Variants in GRAMD1B observed in about 807,000 individuals in gnomAD.
The protein encoded by GRAMD1B is protein Aster-B.
GRAMD1B carries 37 observed loss-of-function variants against 99.7 expected under a neutral mutation model. The ratio of observed to expected loss-of-function variants is 0.37; its 90% CI spans 0.29 to 0.49. GRAMD1B has a LOEUF of 0.49. Ranked by LOEUF, GRAMD1B falls within the 20% of genes least tolerant of loss-of-function variation. The pLI, the probability that GRAMD1B is intolerant of heterozygous loss-of-function variation, is 0.98. For synonymous variants in GRAMD1B, 427 were observed against 387.6 expected, an observed-to-expected ratio of 1.10 and a Z score of -1.19; for missense variants, 888 against 1,009.2, an observed-to-expected ratio of 0.88 and a Z score of 1.63.
chr11:123,594,562 T>A (rs1951040324), intron 5 of GRAMD1B, among the ~76,000 whole-genome samples, 173 bp from the exon 6 acceptor site: 1 of 152,192 alleles, frequency 6.6e-6, no homozygotes, highest in Admixed American at 6.6e-5. Context: ...ATGCTCCTCA[T>A]CATGAGATGG....
At chr11:123,589,779 CAT>C (rs1190219565) in intron 4 of GRAMD1B, among the ~76,000 whole-genome samples, 1 of 152,004 alleles carries the variant, frequency 6.6e-6, no homozygotes, top group Non-Finnish European at 1.5e-5. Context: ...TACGTTTTTA[CAT>C]GTGTTCACTG....
At chr11:123,515,752 A>G (rs947752569) in intron 2 of GRAMD1B, among the ~76,000 whole-genome samples, 2 of 151,854 alleles carry the variant, frequency 1.3e-5, no homozygotes, top group Non-Finnish European at 2.9e-5. Flanking sequence ...TTAAAAGGTC[A>G]TGCTGTCAAT....
In GRAMD1B at chr11:123,460,441, T is replaced by G. The variant is rs117450123; in HGVS notation, c.375-20375T>G. On this transcript the variant is annotated intron_variant, in intron 1 of 19. Transcript: ENST00000635736. ...CGGGACTGAACTTGAAGAGGGTTAA[T>G]TGGATATAGGCCAGGAGCGTGATTG... 5 of 152,316 alleles carry G rather than the reference T, an allele frequency of 3.3e-5. No individual in the cohort carries two copies. The East Asian group carries it at 9.6e-4, about 29-fold the overall frequency. The allele number at this position is 152,316 out of a possible 1,614,324, so 9.4% of individuals were successfully genotyped here.
chr11:123,615,353 A>G (rs1228556157), intron 17 of GRAMD1B, among the ~76,000 whole-genome samples: 1 of 152,242 alleles, frequency 6.6e-6, no homozygotes, highest in African/African-American at 2.4e-5. Context: ...AATAATTGCT[A>G]TGACATTATA....
chr11:123,589,416 G>A (rs1171737398), intron 4 of GRAMD1B, among the ~76,000 whole-genome samples: 1 of 151,638 alleles, frequency 6.6e-6, no homozygotes, highest in African/African-American at 2.4e-5. Flanking sequence ...CTGTTTACCT[G>A]GGAGAATCCA....
Position 123,443,147 on chromosome 11 carries a change from C to T in GRAMD1B, c.374+11981C>T, listed in dbSNP as rs185054963. 7.5e-3 allele frequency among the ~76,000 whole-genome samples: 1,135 copies of T among 152,248 alleles called. 3 individuals carry two copies. The highest frequency in any genetic ancestry group is 0.013 in the Non-Finnish European group (893 of 68,026). ...GGGTCTTAGCCTTATTTTACCAAGG[C>T]GCTATTCAAGATGGAGTTGCTCTGA... On this transcript the variant is annotated intron_variant, in intron 1 of 19. Coordinates refer to ENST00000635736, the MANE Select transcript of GRAMD1B (RefSeq NM_001387025.1).
At chr11:123,411,882 C>T (rs113239990) in intron 1 of GRAMD1B, among the ~76,000 whole-genome samples, 3 of 152,202 alleles carry the variant, frequency 2.0e-5, no homozygotes, top group African/African-American at 4.8e-5. Context: ...CTCCTGGGCT[C>T]AAGCAATCCG....
chr11:123,623,227 T>C lies in GRAMD1B; in HGVS notation c.*632T>C, dbSNP rs1955313754. On this transcript the variant is annotated 3_prime_UTR_variant, in exon 20 of 20. Coordinates refer to ENST00000635736, the MANE Select transcript of GRAMD1B (RefSeq NM_001387025.1). Reference sequence around the variant, plus strand: ...TGTGGTGGCAGGCTCCCGAGACTCGTGTTCTGAAGGATACTCTCCTCCATC... The same window carrying C: ...TGTGGTGGCAGGCTCCCGAGACTCGCGTTCTGAAGGATACTCTCCTCCATC... 6.6e-6 allele frequency: 1 copy of C among 152,112 alleles called. No homozygotes were observed. The highest frequency in any genetic ancestry group is 1.5e-5 in the Non-Finnish European group (1 of 68,040). 9.4% of individuals were successfully genotyped at this position (152,112 alleles called of 1,614,324 possible).
At chr11:123,473,939 C>G (rs1409039560) in intron 1 of GRAMD1B, among the ~76,000 whole-genome samples, 1 of 152,194 alleles carries the variant, frequency 6.6e-6, no homozygotes, top group East Asian at 1.9e-4. Flanking sequence ...TCTCTTCCCC[C>G]ATACACCTTT....
chr11:123,476,164 G>A (rs1014586012), intron 1 of GRAMD1B, among the ~76,000 whole-genome samples: 4 of 151,224 alleles, frequency 2.6e-5, no homozygotes, highest in Admixed American at 2.0e-4. Flanking sequence ...GCAGTGGCAC[G>A]ATCTTGGCTC....
intron 5 of GRAMD1B, 75 bp from the exon 6 acceptor site, chr11:123,594,660 G>A: frequency 1.3e-6 from 1 of 782,782 alleles, no homozygotes; most frequent in African/African-American, 1.7e-5. Flanking sequence ...TGGGAGGGAT[G>A]ACATGCCTAC....
chr11:123,382,908 T>C lies in GRAMD1B; in HGVS notation c.-176+24109T>C, dbSNP rs12280841. ...GCTGAGGGACAAGCCCCTGTCCCAA[T>C]TCTCCTCTTGCCCTCCTGTATCCAG... On this transcript the variant is annotated intron_variant, in intron 1 of 20. Coordinates refer to the GRAMD1B transcript ENST00000638157. 1.1e-3 allele frequency among the ~76,000 whole-genome samples: 172 copies of C among 152,292 alleles called. 1 individual carries two copies. Among genetic ancestry groups the C allele is most frequent in the African/African-American group, 4.0e-3 (167 of 41,582 alleles).
At chr11:123,494,419 C>CTTT (rs772746624) in intron 2 of GRAMD1B, among the ~76,000 whole-genome samples, 2 of 138,626 alleles carry the variant, frequency 1.4e-5, no homozygotes, top group Non-Finnish European at 3.2e-5. Context: ...CACTTAAGGC[C>CTTT]TTTTTTTTTT....
intron 19 of GRAMD1B, chr11:123,619,531 G>A: frequency 8.3e-7 from 1 of 1,199,238 alleles, no homozygotes; most frequent in African/African-American, 1.6e-5. Context: ...CCATCTGACA[G>A]GCATTTAAAC....
Position 123,534,415 on chromosome 11 carries a change from ATC to A in GRAMD1B, c.453-42951_453-42950del, listed in dbSNP as rs1943734226. Among the ~76,000 whole-genome samples the A allele has an allele frequency of 2.0e-5, 3 of 152,296 alleles. No homozygotes were observed. The South Asian group carries it at 6.2e-4, about 32-fold the overall frequency. On this transcript the variant is annotated intron_variant, in intron 2 of 19. Coordinates refer to ENST00000635736, the MANE Select transcript of GRAMD1B (RefSeq NM_001387025.1). ...ACGTATTTGGACTTGCACAGTTCAA[ATC>A]CATGTTGTTCAGGGGTCACTTGTAC...
intron 7 of GRAMD1B, among the ~76,000 whole-genome samples, chr11:123,597,256 CTTTTTTTTTT>C (rs71060518): frequency 2.6e-5 from 2 of 76,546 alleles, no homozygotes; most frequent in Non-Finnish European, 4.8e-5. Flanking sequence ...GCCACTATGC[CTTTTTTTTTT>C]TTTTTTTTTT....
exon 1 of GRAMD1B, chr11:123,358,503 G>T (rs1946031186): frequency 6.6e-6 from 1 of 152,146 alleles, no homozygotes. Flanking sequence ...CGCCCCAGCG[G>T]CTCCCGCCCC....
rs147916616 is a variant in GRAMD1B, at chr11:123,510,998, C to T, written c.452+30105C>T. Among the ~76,000 whole-genome samples, 42 of 152,184 alleles carry T rather than the reference C, an allele frequency of 2.8e-4. No individual in the cohort carries two copies. Among genetic ancestry groups the T allele is most frequent in the Non-Finnish European group, 5.7e-4 (39 of 68,012 alleles). On this transcript the variant is annotated intron_variant, in intron 2 of 19. Transcript: ENST00000635736. The surrounding 1 kb of genome is among the most constrained non-coding windows in gnomAD (Gnocchi z 4.3). ...TTTCATCTGCACTCACTTATATGTC[C>T]GTTGTTTTCTTTAGCCTTGCCCTAT...
chr11:123,488,015 C>A (rs1170573427), intron 2 of GRAMD1B, among the ~76,000 whole-genome samples: 1 of 152,158 alleles, frequency 6.6e-6, no homozygotes, highest in African/African-American at 2.4e-5. Context: ...TTATTTCTTT[C>A]CATTTTGGAG....
Sources: allele counts gnomAD v4.1 joint callset (sites outside exome capture counted in the v4.1 genomes callset), GRCh38; gene constraint gnomAD v4.1.1; non-coding constraint Gnocchi (gnomAD v3.1); transcripts MANE v1.5; gene names NCBI Gene and HGNC (gene_info 2026-07-23, HGNC 2026-07-21).